Variants in BTG4 observed in about 807,000 individuals in gnomAD.
BTG4 encodes BTG anti-proliferation factor 4.
In BTG4, 10 loss-of-function variants were observed where a neutral mutation model predicts 19.3. The ratio of observed to expected loss-of-function variants is 0.52; its 90% CI spans 0.32 to 0.88. The LOEUF is 0.88. Ranked by LOEUF, BTG4 falls within the 40% of genes least tolerant of loss-of-function variation. BTG4 has a pLI of 0.04. For missense variants in BTG4, 238 were observed against 281.9 expected (o/e 0.84, Z 1.11); for synonymous variants, 91 against 95.7 (o/e 0.95, Z 0.29).
chr11:111,398,301 T>C, the BTG4 span, among the ~76,000 whole-genome samples: 1 of 152,172 alleles, frequency 6.6e-6, no homozygotes, highest in East Asian at 1.9e-4. Context: ...TCCAACCACA[T>C]TACTCCAAAT....
At chr11:111,513,728 A>G (rs965934280), upstream of BTG4, among the ~76,000 whole-genome samples, 2 of 152,156 alleles carry the variant, frequency 1.3e-5, no homozygotes, top group Admixed American at 1.3e-4. Flanking sequence ...CTCTTAACCA[A>G]AATTTTAGAT....
the BTG4 span, chr11:111,460,094 C>T: frequency 6.6e-6 from 1 of 152,448 alleles, no homozygotes; most frequent in South Asian, 2.1e-4. Flanking sequence ...GCTTAGAGCC[C>T]TTTGAAGGGC....
the BTG4 span, among the ~76,000 whole-genome samples, chr11:111,446,968 C>CA: frequency 6.6e-6 from 1 of 152,092 alleles, no homozygotes; most frequent in Non-Finnish European, 1.5e-5. Context: ...AGACTTACTA[C>CA]AAAAAAAGAA....
intron 1 of BTG4, among the ~76,000 whole-genome samples, chr11:111,501,304 C>T (rs191253677): frequency 4.2e-4 from 64 of 152,100 alleles, no homozygotes; most frequent in African/African-American, 1.5e-3. Flanking sequence ...TTTGAGGCTG[C>T]AGTAAGCTAT....
At chr11:111,434,520 C>T in the BTG4 span, among the ~76,000 whole-genome samples, 46 of 151,484 alleles carry the variant, frequency 3.0e-4, no homozygotes, top group Non-Finnish European at 5.4e-4. Context: ...ACGTTGTGCA[C>T]ATGTACCCTA....
In BTG4 at chr11:111,498,670, G is replaced by A. The variant is rs746753365; in HGVS notation, c.107C>T (p.Thr36Met). ...QIEDFAEKLM[T>M]ILFETYRSHW... Reference sequence around the variant, plus strand: ...ACTTCTGTATGTTTCAAACAAGATCGTCATCAGCTTTTCTGCAAAGTCTTC... The same window carrying A: ...ACTTCTGTATGTTTCAAACAAGATCATCATCAGCTTTTCTGCAAAGTCTTC... Residue 36 changes from threonine to methionine, a missense_variant, in exon 2 of 5, where the codon ACG becomes ATG. Thr to Met is a moderately conservative substitution (Grantham distance 81). Transcript: ENST00000692032. 4.0e-5 allele frequency: 65 copies of A among 1,613,664 alleles called. No individual in the cohort carries two copies. The East Asian group carries it at 9.1e-4, about 23-fold the overall frequency.
intron 5 of BTG4, among the ~76,000 whole-genome samples, chr11:111,469,495 G>A (rs918994144): frequency 2.0e-5 from 3 of 152,192 alleles, no homozygotes; most frequent in Non-Finnish European, 4.4e-5. Flanking sequence ...GCCAGGAAGA[G>A]GATTTTCCTA....
intron 1 of BTG4, among the ~76,000 whole-genome samples, chr11:111,500,622 C>T (rs1866010047): frequency 6.6e-6 from 1 of 152,128 alleles, no homozygotes; most frequent in African/African-American, 2.4e-5. Flanking sequence ...CCTACAGACA[C>T]AGCTCACCAT....
intron 5 of BTG4, among the ~76,000 whole-genome samples, chr11:111,479,814 C>T (rs925264584): frequency 1.3e-5 from 2 of 151,952 alleles, no homozygotes; most frequent in Non-Finnish European, 2.9e-5. Flanking sequence ...ACATATAATG[C>T]AATACCTAGA....
At chr11:111,513,496 C>T (rs779046195), upstream of BTG4, 1 of 531,666 alleles carries the variant, frequency 1.9e-6, no homozygotes, top group South Asian at 1.4e-5. Context: ...TCACTAACCA[C>T]ACGGCCAGGT....
intron 5 of BTG4, among the ~76,000 whole-genome samples, chr11:111,468,203 G>T (rs1419983326): frequency 6.6e-6 from 1 of 152,110 alleles, no homozygotes; most frequent in Non-Finnish European, 1.5e-5. Context: ...ACTCACATAT[G>T]GTACTCTCCA....
chr11:111,408,209 C>A, the BTG4 span, among the ~76,000 whole-genome samples: 1 of 152,240 alleles, frequency 6.6e-6, no homozygotes, highest in South Asian at 2.1e-4. Context: ...CTTGATGGGG[C>A]AGGAGAAGCA....
chr11:111,404,412 C>A, the BTG4 span, among the ~76,000 whole-genome samples: 1 of 152,154 alleles, frequency 6.6e-6, no homozygotes, highest in African/African-American at 2.4e-5. Context: ...GGCTGCGGCC[C>A]ATCAAAGAAT....
At chr11:111,499,904 G>A (rs1477517679) in intron 1 of BTG4, among the ~76,000 whole-genome samples, 1 of 152,156 alleles carries the variant, frequency 6.6e-6, no homozygotes, top group Non-Finnish European at 1.5e-5. Flanking sequence ...CACTTTGGAA[G>A]GCCGAGGCAG....
the BTG4 span, among the ~76,000 whole-genome samples, chr11:111,400,191 C>G: frequency 6.6e-6 from 1 of 152,176 alleles, no homozygotes; most frequent in Non-Finnish European, 1.5e-5. Context: ...GTTTCCTCAT[C>G]TGTAAAGGGA....
chr11:111,415,201 G>A, the BTG4 span, among the ~76,000 whole-genome samples: 333 of 152,154 alleles, frequency 2.2e-3, 1 homozygote, highest in Non-Finnish European at 3.9e-3. Context: ...GCAAAGCCCT[G>A]TTATTGGCTT....
the BTG4 span, among the ~76,000 whole-genome samples, chr11:111,386,852 T>C: frequency 2.6e-5 from 4 of 152,350 alleles, no homozygotes; most frequent in African/African-American, 9.6e-5. Context: ...CCATTTCTCA[T>C]TTCTCTGGCA....
the BTG4 span, among the ~76,000 whole-genome samples, chr11:111,427,116 T>C: frequency 6.6e-6 from 1 of 152,198 alleles, no homozygotes; most frequent in Non-Finnish European, 1.5e-5. Context: ...TTGGAACATC[T>C]CTTTTCTCTC....
chr11:111,466,488 G>C (rs1284852430), downstream of BTG4, among the ~76,000 whole-genome samples: 1 of 152,114 alleles, frequency 6.6e-6, no homozygotes, highest in Non-Finnish European at 1.5e-5. Context: ...CATCTTCTGT[G>C]GACCCTCATT....
Sources: gnomAD v4.1 joint callset for allele counts (sites outside exome capture counted in the v4.1 genomes callset) on GRCh38, gnomAD v4.1.1 for gene constraint, MANE v1.5 for transcripts, NCBI Gene and HGNC (gene_info 2026-07-23, HGNC 2026-07-21) for gene names.